Variants in PTPRD observed in about 807,000 individuals in gnomAD.
PTPRD encodes the protein protein tyrosine phosphatase receptor type D.
A neutral mutation model predicts 214.5 loss-of-function variants in PTPRD; 34 were observed. The observed-to-expected ratio is 0.16, with a 90% CI of 0.12 to 0.21. PTPRD has a LOEUF of 0.21. Ranked by LOEUF, PTPRD falls within the 10% of genes least tolerant of loss-of-function variation. The pLI is 1.00. For synonymous variants in PTPRD, 1,128 were observed against 845.7 expected (o/e 1.33, Z -5.79); for missense variants, 2,545 against 2,398.7 (o/e 1.06, Z -1.27).
rs538824380 is a variant in PTPRD at position 8,833,395 on chromosome 9, T to C, written c.-103-99449A>G. Reference sequence around the variant, plus strand: ...ATGAGAAAGAATAGAGTCCAGTAAGTAGAGATATGTATTTTAAATGGTAAC... The same window carrying C: ...ATGAGAAAGAATAGAGTCCAGTAAGCAGAGATATGTATTTTAAATGGTAAC... On this transcript the variant is annotated intron_variant, in intron 11 of 45. Coordinates refer to ENST00000381196, the MANE Select transcript of PTPRD (RefSeq NM_002839.4). Among the ~76,000 whole-genome samples, 3 of 152,214 alleles carry C rather than the reference T, an allele frequency of 2.0e-5. No homozygotes were observed. The South Asian group carries it at 6.2e-4, about 32-fold the overall frequency.
intron 8 of PTPRD, among the ~76,000 whole-genome samples, chr9:9,519,599 T>A (rs1473092157): frequency 6.6e-6 from 1 of 151,922 alleles, no homozygotes; most frequent in Admixed American, 6.6e-5. Flanking sequence ...ATAAATCAAC[T>A]CCTAGAACAC....
chr9:10,016,866 T>A (rs1178279698), intron 4 of PTPRD, among the ~76,000 whole-genome samples: 6 of 152,128 alleles, frequency 3.9e-5, no homozygotes, highest in African/African-American at 1.4e-4. Context: ...GGTCTCGCTA[T>A]GTTTCCCAAG....
intron 10 of PTPRD, among the ~76,000 whole-genome samples, chr9:9,071,166 T>G (rs980773492): frequency 6.6e-6 from 1 of 152,184 alleles, no homozygotes; most frequent in Non-Finnish European, 1.5e-5. Context: ...TAATTCTTTC[T>G]GTGGCACGTA....
At chr9:9,570,422 G>C (rs930555756) in intron 8 of PTPRD, among the ~76,000 whole-genome samples, 1 of 151,424 alleles carries the variant, frequency 6.6e-6, no homozygotes, top group African/African-American at 2.4e-5. Context: ...TAATTTAACT[G>C]GCATCAATTA....
Position 8,535,769 on chromosome 9 carries a change from G to C in PTPRD, c.353-6990C>G, listed in dbSNP as rs144997216. ...TTAACATTCTGAAAATAACTGTTTGGGGAAAATGATATAAATCAAGAAACA... is the reference window on the plus strand; with the variant it reads ...TTAACATTCTGAAAATAACTGTTTGCGGAAAATGATATAAATCAAGAAACA... On this transcript the variant is annotated intron_variant, in intron 14 of 45. Transcript: ENST00000381196. Among the ~76,000 whole-genome samples the C allele has an allele frequency of 3.2e-4, 48 of 151,844 alleles. No homozygotes were observed. In the East Asian group the frequency reaches 5.8e-3, roughly 18 times the overall value.
At chr9:9,525,234 C>G (rs938425533) in intron 8 of PTPRD, among the ~76,000 whole-genome samples, 1 of 152,068 alleles carries the variant, frequency 6.6e-6, no homozygotes, top group African/African-American at 2.4e-5. Context: ...GTATCTGGTC[C>G]TCTTTGACAT....
intron 2 of PTPRD, among the ~76,000 whole-genome samples, chr9:10,534,702 T>G (rs1351095309): frequency 6.6e-6 from 1 of 152,146 alleles, no homozygotes; most frequent in Non-Finnish European, 1.5e-5. Flanking sequence ...TGCTACTATC[T>G]ACTAAGAAGA....
At chr9:8,496,327 C>T (rs72694733) in intron 26 of PTPRD, among the ~76,000 whole-genome samples, 1 of 152,078 alleles carries the variant, frequency 6.6e-6, no homozygotes, top group Non-Finnish European at 1.5e-5. Context: ...GAATTCATAG[C>T]TTTTATTGAC....
intron 3 of PTPRD, among the ~76,000 whole-genome samples, chr9:10,238,995 G>A (rs80310389): frequency 1.3e-5 from 2 of 151,790 alleles, no homozygotes; most frequent in African/African-American, 2.4e-5. Flanking sequence ...AGGCTTCCAT[G>A]TCCAATATGG....
chr9:9,459,606 G>T (rs112472445), intron 8 of PTPRD, among the ~76,000 whole-genome samples: 49 of 151,988 alleles, frequency 3.2e-4, no homozygotes, highest in African/African-American at 1.1e-3. Flanking sequence ...ATTTAAAACA[G>T]CCACAAAAAT....
intron 4 of PTPRD, among the ~76,000 whole-genome samples, chr9:9,993,836 G>C (rs1248042792): frequency 6.6e-6 from 1 of 152,082 alleles, no homozygotes; most frequent in East Asian, 1.9e-4. Context: ...CTCCACCAAT[G>C]AGATTTTTAA....
At chr9:10,281,990 A>T (rs1014382910) in intron 3 of PTPRD, among the ~76,000 whole-genome samples, 4 of 91,682 alleles carry the variant, frequency 4.4e-5, no homozygotes, top group African/African-American at 1.2e-4. Context: ...TTAAAATAAT[A>T]AAAAAAAAAA....
At chr9:8,396,853 T>C (rs893890670) in intron 36 of PTPRD, among the ~76,000 whole-genome samples, 3 of 152,166 alleles carry the variant, frequency 2.0e-5, no homozygotes, top group African/African-American at 7.2e-5. Context: ...GGCTAAGTGC[T>C]ATCTACCTTT....
At chr9:9,972,901 C>T (rs1028678648) in intron 4 of PTPRD, among the ~76,000 whole-genome samples, 2 of 152,040 alleles carry the variant, frequency 1.3e-5, no homozygotes, top group African/African-American at 4.8e-5. Flanking sequence ...ATTGTAAGAT[C>T]CTTAATTAAT....
intron 3 of PTPRD, among the ~76,000 whole-genome samples, chr9:10,047,329 T>TGTGTGTGTGTGTGC (rs1215831654): frequency 2.0e-5 from 3 of 150,728 alleles, no homozygotes; most frequent in African/African-American, 7.3e-5. Context: ...TGTGTGTGTG[T>TGTGTGTGTGTGTGC]GTGTGTGTGC....
chr9:8,830,584 A>T (rs2097267450), intron 11 of PTPRD, among the ~76,000 whole-genome samples: 1 of 151,718 alleles, frequency 6.6e-6, no homozygotes, highest in Non-Finnish European at 1.5e-5. Flanking sequence ...TCATCTCAAA[A>T]CTCCTTCAAC....
At chr9:9,256,686 G>C (rs2099977854) in intron 9 of PTPRD, among the ~76,000 whole-genome samples, 3 of 151,852 alleles carry the variant, frequency 2.0e-5, no homozygotes, top group Non-Finnish European at 2.9e-5. Flanking sequence ...TCTATTATAA[G>C]AGATAAATAG....
At chr9:9,358,713 A>C (rs975907965) in intron 9 of PTPRD, among the ~76,000 whole-genome samples, 7 of 151,338 alleles carry the variant, frequency 4.6e-5, no homozygotes, top group African/African-American at 1.5e-4. Context: ...GTAGAACTAA[A>C]AAGTACATGT....
intron 39 of PTPRD, among the ~76,000 whole-genome samples, chr9:8,350,456 A>G (rs1166208494): frequency 1.3e-5 from 2 of 152,206 alleles, no homozygotes; most frequent in Non-Finnish European, 2.9e-5. Context: ...TATATGAACT[A>G]CAAGTATTTG....
Sources: gnomAD v4.1 joint callset for allele counts (sites outside exome capture counted in the v4.1 genomes callset) on GRCh38, gnomAD v4.1.1 for gene constraint, MANE v1.5 for transcripts, NCBI Gene and HGNC (gene_info 2026-07-23, HGNC 2026-07-21) for gene names.